MSN: variants seen among roughly 807,000 people sequenced by gnomAD.
MSN encodes moesin.
A neutral mutation model predicts 48.0 loss-of-function variants in MSN; 2 were observed. The ratio of observed to expected loss-of-function variants is 0.04; its 90% CI spans 0.02 to 0.13. The LOEUF (loss-of-function observed/expected upper bound fraction) is 0.13. Ranked by LOEUF, MSN falls within the 10% of genes least tolerant of loss-of-function variation. MSN has a pLI of 1.00. For missense variants in MSN, 267 were observed against 470.1 expected, an observed-to-expected ratio of 0.57 and a Z score of 3.99; for synonymous variants, 146 against 166.9, an observed-to-expected ratio of 0.87 and a Z score of 0.97.
intron 1 of MSN, among the ~76,000 whole-genome samples, chrX:65,697,190 G>T (rs991147100): frequency 1.9e-5 from 2 of 106,672 alleles, no homozygotes; most frequent in Non-Finnish European, 3.9e-5. Context: ...TAGCCTAGGG[G>T]AACAGCAGGC....
intron 1 of MSN, among the ~76,000 whole-genome samples, chrX:65,689,049 A>C (rs887328457): frequency 9.0e-6 from 1 of 111,498 alleles, no homozygotes; most frequent in Non-Finnish European, 1.9e-5. Context: ...GAGGTATTGG[A>C]GAATCATGGA....
chrX:65,683,279 G>T (rs1192434809), intron 1 of MSN, among the ~76,000 whole-genome samples: 1 of 111,138 alleles, frequency 9.0e-6, no homozygotes, highest in African/African-American at 3.3e-5. Flanking sequence ...CCTGTGCTGA[G>T]GCCTAGGAAG....
At chrX:65,663,094 C>T (rs781109390), upstream of MSN, among the ~76,000 whole-genome samples, 4 of 110,831 alleles carry the variant, frequency 3.6e-5, no homozygotes, top group Admixed American at 9.6e-5. Context: ...CCTGTCTCTA[C>T]TAAAAATACA....
chrX:65,725,400 TTCTC>T (rs1195216323), intron 2 of MSN, among the ~76,000 whole-genome samples: 4 of 110,658 alleles, frequency 3.6e-5, no homozygotes, highest in Non-Finnish European at 7.6e-5. Flanking sequence ...TCAGTGGGTC[TTCTC>T]TCTCTCTCTC....
intron 1 of MSN, among the ~76,000 whole-genome samples, chrX:65,642,044 G>A (rs1186124544): frequency 4.0e-5 from 4 of 100,322 alleles, no homozygotes; most frequent in Non-Finnish European, 7.9e-5. Context: ...TGAGGCAGGA[G>A]AATCGCTTGA....
intron 10 of MSN, 57 bp downstream of exon 10, chrX:65,737,395 T>A: frequency 8.8e-7 from 1 of 1,137,113 alleles, no homozygotes; most frequent in Non-Finnish European, 1.2e-6. Flanking sequence ...CTTGTCTGCC[T>A]ACTTACTTAT....
At chrX:65,639,904 C>T (rs888191467) in intron 1 of MSN, among the ~76,000 whole-genome samples, 2 of 111,674 alleles carry the variant, frequency 1.8e-5, no homozygotes, top group African/African-American at 6.5e-5. Flanking sequence ...TACTTTCTCA[C>T]GTATCCATTA....
At chrX:65,650,052 C>CTTTTTTTT (rs59222247) in intron 1 of MSN, among the ~76,000 whole-genome samples, 15 of 53,195 alleles carry the variant, frequency 2.8e-4, no homozygotes, top group African/African-American at 4.8e-4. Flanking sequence ...CCTTTTTTCT[C>CTTTTTTTT]TTTTTTTTTT....
intron 1 of MSN, among the ~76,000 whole-genome samples, chrX:65,620,743 T>A (rs2070434307): frequency 1.8e-5 from 2 of 111,720 alleles, no homozygotes; most frequent in Non-Finnish European, 3.8e-5. Context: ...TCCTCCATGA[T>A]GTTTTTTGAT....
At chrX:65,676,826 T>A (rs2071003358) in intron 1 of MSN, among the ~76,000 whole-genome samples, 1 of 110,494 alleles carries the variant, frequency 9.1e-6, no homozygotes, top group Non-Finnish European at 1.9e-5. Flanking sequence ...TCCTTTTTTT[T>A]CTTTTCTTTT....
chrX:65,637,533 C>T (rs2070614948), intron 1 of MSN, among the ~76,000 whole-genome samples: 1 of 111,347 alleles, frequency 9.0e-6, no homozygotes. Flanking sequence ...CTGTCCCCAA[C>T]CCCCACCCCA....
intron 6 of MSN, 84 bp downstream of exon 6, chrX:65,732,068 T>G: frequency 3.5e-5 from 35 of 1,001,091 alleles, no homozygotes; most frequent in South Asian, 5.1e-5. Flanking sequence ...GCCATATCTC[T>G]TGGGTCCCAT....
At chrX:65,619,904 G>T (rs946886807) in intron 1 of MSN, among the ~76,000 whole-genome samples, 5 of 110,116 alleles carry the variant, frequency 4.5e-5, no homozygotes, top group Non-Finnish European at 7.5e-5. Context: ...TGTCCTTTCT[G>T]TTTGTTAGTT....
intron 1 of MSN, among the ~76,000 whole-genome samples, chrX:65,713,668 A>G (rs2071434887): frequency 8.9e-6 from 1 of 111,927 alleles, no homozygotes; most frequent in Non-Finnish European, 1.9e-5. Context: ...CAGGTTTGTC[A>G]TAAGGTAAAC....
chrX:65,613,998 G>A (rs748831113), intron 1 of MSN, among the ~76,000 whole-genome samples: 2 of 111,838 alleles, frequency 1.8e-5, no homozygotes, highest in South Asian at 7.4e-4. Context: ...GGTTTTTATG[G>A]TTTTAGGTCT....
intron 1 of MSN, among the ~76,000 whole-genome samples, chrX:65,686,568 G>A (rs2071117224): frequency 8.9e-6 from 1 of 112,569 alleles, no homozygotes; most frequent in Non-Finnish European, 1.9e-5. Flanking sequence ...TAATTTTTTG[G>A]GCTACTTGAG....
chrX:65,705,777 A>G (rs1399145418), intron 1 of MSN, among the ~76,000 whole-genome samples: 1 of 111,596 alleles, frequency 9.0e-6, no homozygotes, highest in Non-Finnish European at 1.9e-5. Context: ...ATGCTTCTTG[A>G]GGAGCTTCGG....
chrX:65,637,366 C>T (rs997449975), intron 1 of MSN, among the ~76,000 whole-genome samples: 2 of 105,349 alleles, frequency 1.9e-5, no homozygotes, highest in Non-Finnish European at 3.9e-5. Flanking sequence ...CATGCCATCG[C>T]ACTCCAGCCT....
At chrX:65,683,284 A>G (rs1357534885) in intron 1 of MSN, among the ~76,000 whole-genome samples, 2 of 111,054 alleles carry the variant, frequency 1.8e-5, no homozygotes, top group Non-Finnish European at 3.8e-5. Flanking sequence ...GCTGAGGCCT[A>G]GGAAGAGACA....
Sources: allele counts gnomAD v4.1 joint callset (sites outside exome capture counted in the v4.1 genomes callset), GRCh38; gene constraint gnomAD v4.1.1; transcripts MANE v1.5; gene names NCBI Gene and HGNC (gene_info 2026-07-23, HGNC 2026-07-21).